The following NME8 variants were observed in gnomAD, a reference collection of about 807,000 sequenced individuals.
NME8 encodes NME/NM23 family member 8.
NME8 carries 72 observed loss-of-function variants against 82.3 expected under a neutral mutation model. That is an observed-to-expected ratio of 0.87 (90% CI 0.72 to 1.06). The LOEUF is 1.06. Ranked by LOEUF, NME8 falls within the 50% of genes least tolerant of loss-of-function variation. The probability of loss-of-function intolerance (pLI) is 0.00; values close to 1 mark genes in which losing one functional copy is unlikely to be tolerated. For synonymous variants in NME8, 267 were observed against 228.5 expected (o/e 1.17, Z -1.52); for missense variants, 712 against 685.4 (o/e 1.04, Z -0.43).
chr7:37,860,470 C>A (rs1164957893), intron 6 of NME8, among the ~76,000 whole-genome samples: 1 of 152,094 alleles, frequency 6.6e-6, no homozygotes, highest in Non-Finnish European at 1.5e-5. Context: ...GGTGACCATG[C>A]CCTCCTTTTT....
At chr7:37,862,496 C>CT (rs954674071) in intron 7 of NME8, among the ~76,000 whole-genome samples, 40 of 150,778 alleles carry the variant, frequency 2.7e-4, no homozygotes, top group Non-Finnish European at 3.5e-4. Context: ...GTACTTTGCT[C>CT]TTTTTTTTTG....
At chr7:37,851,041 A>G (rs1784432555) in intron 5 of NME8, among the ~76,000 whole-genome samples, 1 of 152,152 alleles carries the variant, frequency 6.6e-6, no homozygotes, top group Admixed American at 6.6e-5. Flanking sequence ...TGTCCTTTAG[A>G]ATAAGGGCTA....
intron 14 of NME8, 115 bp from the exon 15 acceptor site, chr7:37,888,162 G>A: frequency 9.4e-7 from 1 of 1,063,590 alleles, no homozygotes; most frequent in Non-Finnish European, 1.4e-6. Flanking sequence ...TTTGCACAGT[G>A]TCAAGATCTG....
At chr7:37,863,078 C>A (rs778763912) in intron 7 of NME8, among the ~76,000 whole-genome samples, 1 of 152,004 alleles carries the variant, frequency 6.6e-6, no homozygotes, top group Non-Finnish European at 1.5e-5. Context: ...CAAAATAGCA[C>A]CACTGCACTC....
intron 9 of NME8, 141 bp from the exon 10 acceptor site, chr7:37,865,384 C>G: frequency 1.5e-6 from 1 of 665,690 alleles, no homozygotes. Context: ...CCACTTCAAA[C>G]CAAGTGTCCT....
intron 11 of NME8, among the ~76,000 whole-genome samples, chr7:37,871,921 T>G (rs1280973834): frequency 6.6e-6 from 1 of 152,068 alleles, no homozygotes; most frequent in East Asian, 1.9e-4. Flanking sequence ...CTGACTCTAC[T>G]CCCATCTGCA....
At chr7:37,899,302 C>A (rs1480117015) in intron 17 of NME8, among the ~76,000 whole-genome samples, 2 of 152,110 alleles carry the variant, frequency 1.3e-5, no homozygotes, top group Non-Finnish European at 2.9e-5. Context: ...CAATGATAGA[C>A]TGGATAAAGA....
chr7:37,871,305 C>T (rs1209753804), intron 11 of NME8, among the ~76,000 whole-genome samples: 1 of 152,148 alleles, frequency 6.6e-6, no homozygotes, highest in Non-Finnish European at 1.5e-5. Flanking sequence ...GGGGGAAGAG[C>T]CAGGGAAACA....
chr7:37,885,124 C>T (rs1210552433), intron 13 of NME8, 21 bp from the exon 14 acceptor site: 2 of 1,513,596 alleles, frequency 1.3e-6, no homozygotes, highest in East Asian at 4.5e-5. Flanking sequence ...ATTACCTCTT[C>T]TTTGTTTTCT....
chr7:37,862,110 G>A lies in NME8; in HGVS notation c.353G>A (p.Arg118Lys). 6.2e-7 allele frequency: 1 copy of A among 1,613,326 alleles called. No homozygotes were observed. Among genetic ancestry groups the A allele is most frequent in the Non-Finnish European group, 8.5e-7 (1 of 1,179,454 alleles). ...KKVINLIDEERKIAAGEMARP... is the reference protein window; with the variant it reads ...KKVINLIDEEKKIAAGEMARP... The stretch of plus-strand genomic sequence containing the variant: ...GTTATTAATTTGATCGATGAGGAGA[G>A]AAAAATTGCAGCAGGTGAAATGGCT... Residue 118 changes from arginine (R) to lysine (K), a missense_variant, in exon 7 of 18, where the codon AGA becomes AAA. Physicochemically the swap from Arg to Lys is conservative, Grantham distance 26 (BLOSUM62 2). Coordinates refer to ENST00000199447, the MANE Select transcript of NME8 (RefSeq NM_016616.5).
intron 11 of NME8, among the ~76,000 whole-genome samples, chr7:37,868,198 G>T (rs141107351): frequency 6.6e-6 from 1 of 152,126 alleles, no homozygotes; most frequent in Non-Finnish European, 1.5e-5. Flanking sequence ...AGAGTGCAGC[G>T]GGGCTCCTCA....
intron 6 of NME8, among the ~76,000 whole-genome samples, chr7:37,857,910 A>T (rs1784536499): frequency 6.6e-6 from 1 of 152,146 alleles, no homozygotes; most frequent in South Asian, 2.1e-4. Flanking sequence ...TAATAATCAG[A>T]CAGAGGCCAG....
intron 11 of NME8, among the ~76,000 whole-genome samples, chr7:37,876,444 T>C (rs1160248763): frequency 6.6e-6 from 1 of 151,984 alleles, no homozygotes; most frequent in African/African-American, 2.4e-5. Flanking sequence ...GAAATGTTCA[T>C]TTGAAAATAT....
chr7:37,864,328 T>G lies in NME8; in HGVS notation c.455-20T>G. ...GTGCCAAGAAAATGAAATTCTGTCTTTTTCTAAATTTTTTTCCAGAGGAAT... is the reference window on the plus strand; with the variant it reads ...GTGCCAAGAAAATGAAATTCTGTCTGTTTCTAAATTTTTTTCCAGAGGAAT... On this transcript the variant is annotated intron_variant, in intron 8 of 17. Coordinates refer to ENST00000199447, the MANE Select transcript of NME8 (RefSeq NM_016616.5). 2 of 1,589,218 alleles carry G rather than the reference T, an allele frequency of 1.3e-6. No individual in the cohort carries two copies. The highest frequency in any genetic ancestry group is 1.7e-6 in the Non-Finnish European group (2 of 1,162,314).
intron 15 of NME8, among the ~76,000 whole-genome samples, chr7:37,890,457 G>A (rs1785112061): frequency 1.3e-5 from 2 of 151,830 alleles, no homozygotes; most frequent in Non-Finnish European, 2.9e-5. Flanking sequence ...AACATTCAAA[G>A]TCTCCTCTTC....
rs755131627 is a variant in NME8, at chr7:37,867,864, G to T, written c.784G>T (p.Val262Phe). 7.4e-6 allele frequency: 12 copies of T among 1,613,636 alleles called. No individual in the cohort carries two copies. The Admixed American group carries it at 1.7e-4, about 22-fold the overall frequency. ...GGATCAACCTGAGGTCGAAGCCCAG[G>T]TTACACCTGGAATGATGAAGAACAA... ...SEDQPEVEAQVTPGMMKNKQD... is the reference protein window; with the variant it reads ...SEDQPEVEAQFTPGMMKNKQD... Residue 262 changes from valine to phenylalanine, a missense_variant, in exon 11 of 18, where the codon GTT becomes TTT. By Grantham distance (50) the Val-to-Phe change is conservative. Transcript: ENST00000199447.
chr7:37,896,747 T>A, intron 16 of NME8, 123 bp from the exon 17 acceptor site: 1 of 810,064 alleles, frequency 1.2e-6, no homozygotes, highest in Middle Eastern at 3.5e-4. Context: ...ATGATTGCAC[T>A]GATAAGGACA....
chr7:37,871,626 G>C (rs886580409), intron 11 of NME8, among the ~76,000 whole-genome samples: 6 of 151,992 alleles, frequency 3.9e-5, no homozygotes, highest in Admixed American at 3.3e-4. Flanking sequence ...TACAAAGATG[G>C]GGAAGAATTA....
At chr7:37,889,856 C>T (rs1785101967) in intron 15 of NME8, among the ~76,000 whole-genome samples, 1 of 151,698 alleles carries the variant, frequency 6.6e-6, no homozygotes. Flanking sequence ...TTTATTTTTC[C>T]CCAACTTGAT....
Sources: gnomAD v4.1 joint callset for allele counts (sites outside exome capture counted in the v4.1 genomes callset) on GRCh38, gnomAD v4.1.1 for gene constraint, MANE v1.5 for transcripts, NCBI Gene and HGNC (gene_info 2026-07-23, HGNC 2026-07-21) for gene names.